Variants in SLC4A4 observed in about 807,000 individuals in gnomAD.
SLC4A4 encodes electrogenic sodium bicarbonate cotransporter 1.
A neutral mutation model predicts 111.5 loss-of-function variants in SLC4A4; 27 were observed. The ratio of observed to expected loss-of-function variants is 0.24; its 90% CI spans 0.18 to 0.33. SLC4A4 has a LOEUF of 0.33. Ranked by LOEUF, SLC4A4 falls within the 10% of genes least tolerant of loss-of-function variation. SLC4A4 has a pLI of 1.00. For synonymous variants in SLC4A4, 443 were observed against 463.4 expected (o/e 0.96, Z 0.57); for missense variants, 909 against 1,315.5 (o/e 0.69, Z 4.78).
intron 3 of SLC4A4, among the ~76,000 whole-genome samples, chr4:71,314,839 C>T (rs1479453103): frequency 1.3e-5 from 2 of 151,976 alleles, no homozygotes; most frequent in Admixed American, 6.6e-5. Context: ...AACCAAATGA[C>T]GGGTTGACAG....
chr4:71,347,568 G>A (rs1729436258), intron 4 of SLC4A4, among the ~76,000 whole-genome samples: 1 of 152,182 alleles, frequency 6.6e-6, no homozygotes, highest in African/African-American at 2.4e-5. Flanking sequence ...ACCTCCCAAA[G>A]GGCCCATCTC....
At chr4:71,139,088 G>A (rs1470246648) in intron 2 of SLC4A4, among the ~76,000 whole-genome samples, 1 of 149,702 alleles carries the variant, frequency 6.7e-6, no homozygotes, top group Non-Finnish European at 1.5e-5. Flanking sequence ...TGCAATAATG[G>A]ATCCTTCTTT....
At chr4:71,331,723 A>G (rs1265933179) in intron 3 of SLC4A4, among the ~76,000 whole-genome samples, 1 of 148,858 alleles carries the variant, frequency 6.7e-6, no homozygotes, top group African/African-American at 2.5e-5. Context: ...TAGGACTTAA[A>G]GTATTGAAAA....
At chr4:71,565,153 C>T (rs1227437129) in intron 24 of SLC4A4, among the ~76,000 whole-genome samples, 1 of 151,846 alleles carries the variant, frequency 6.6e-6, no homozygotes, top group African/African-American at 2.4e-5. Flanking sequence ...TTGGGGTACG[C>T]CCTATGTAAA....
At chr4:71,209,818 G>A (rs544871810) in intron 1 of SLC4A4, among the ~76,000 whole-genome samples, 20 of 152,248 alleles carry the variant, frequency 1.3e-4, no homozygotes, top group African/African-American at 4.3e-4. Context: ...AAATTATGAT[G>A]TATTTTTGGA....
chr4:71,094,919 A>C (rs543259952), intron 2 of SLC4A4, among the ~76,000 whole-genome samples: 157 of 152,326 alleles, frequency 1.0e-3, no homozygotes, highest in African/African-American at 3.6e-3. Flanking sequence ...TTCAATGAAC[A>C]GGCTAAAAGT....
At chr4:71,450,334 T>A in intron 9 of SLC4A4, 55 bp from the exon 10 acceptor site, 3 of 1,237,708 alleles carry the variant, frequency 2.4e-6, no homozygotes, top group Non-Finnish European at 3.6e-6. Flanking sequence ...TGATATGGTG[T>A]GAAGCATGTA....
At chr4:71,423,043 A>C (rs1722716017) in intron 7 of SLC4A4, among the ~76,000 whole-genome samples, 1 of 152,196 alleles carries the variant, frequency 6.6e-6, no homozygotes. Flanking sequence ...AGAGGAAGTC[A>C]AATTGTCCCT....
chr4:71,274,103 A>T (rs1181021283), intron 3 of SLC4A4, among the ~76,000 whole-genome samples: 1 of 152,252 alleles, frequency 6.6e-6, no homozygotes, highest in African/African-American at 2.4e-5. Context: ...ACAGTTAATG[A>T]ACACATTTTA....
intron 1 of SLC4A4, among the ~76,000 whole-genome samples, chr4:71,220,004 A>C (rs1461881223): frequency 6.6e-6 from 1 of 152,230 alleles, no homozygotes; most frequent in Non-Finnish European, 1.5e-5. Flanking sequence ...TTGACATGAC[A>C]ACAAAGGATT....
At chr4:71,420,384 A>G in intron 7 of SLC4A4, among the ~76,000 whole-genome samples, 1 of 152,232 alleles carries the variant, frequency 6.6e-6, no homozygotes, top group Non-Finnish European at 1.5e-5. Flanking sequence ...AGTGATGGGG[A>G]GAATGGAACC....
chr4:71,189,755 T>A (rs1210675580), intron 1 of SLC4A4, among the ~76,000 whole-genome samples: 1 of 152,262 alleles, frequency 6.6e-6, no homozygotes, highest in South Asian at 2.1e-4. Context: ...TGAGAGACTC[T>A]GCTGGACTTA....
At chr4:71,151,716 C>T (rs1007373828) in intron 2 of SLC4A4, among the ~76,000 whole-genome samples, 6 of 146,088 alleles carry the variant, frequency 4.1e-5, no homozygotes, top group Non-Finnish European at 9.0e-5. Context: ...CCCGGGAGTT[C>T]AAGGCTAGCT....
chr4:71,318,761 T>G (rs965378865), intron 3 of SLC4A4, among the ~76,000 whole-genome samples: 3 of 151,988 alleles, frequency 2.0e-5, no homozygotes, highest in Non-Finnish European at 4.4e-5. Flanking sequence ...TAATTTATTT[T>G]TATGTAAACC....
At chr4:71,538,291 T>A (rs1270708246) in intron 18 of SLC4A4, among the ~76,000 whole-genome samples, 2 of 152,136 alleles carry the variant, frequency 1.3e-5, no homozygotes, top group Non-Finnish European at 2.9e-5. Context: ...ATTTTTAATC[T>A]TATTTTCAGT....
intron 4 of SLC4A4, among the ~76,000 whole-genome samples, chr4:71,340,156 C>T (rs898311077): frequency 2.6e-5 from 4 of 151,988 alleles, no homozygotes; most frequent in Non-Finnish European, 4.4e-5. Context: ...CCTGTGAGGT[C>T]GAGGCTGCAG....
At chr4:71,501,328 A>G (rs552918202) in intron 16 of SLC4A4, among the ~76,000 whole-genome samples, 41 of 151,740 alleles carry the variant, frequency 2.7e-4, no homozygotes, top group Non-Finnish European at 3.5e-4. Flanking sequence ...TTTTTTTATT[A>G]CTTCTAAAAT....
intron 6 of SLC4A4, among the ~76,000 whole-genome samples, chr4:71,393,709 C>T (rs1719527599): frequency 6.6e-6 from 1 of 151,980 alleles, no homozygotes; most frequent in African/African-American, 2.4e-5. Context: ...ATAGCCAAAG[C>T]AAGGCTAAGT....
chr4:71,532,573 TC>T, intron 17 of SLC4A4, among the ~76,000 whole-genome samples: 1 of 152,116 alleles, frequency 6.6e-6, no homozygotes, highest in Non-Finnish European at 1.5e-5. Context: ...TGGTGCAATC[TC>T]AGCTCACTGC....
Sources: allele counts gnomAD v4.1 joint callset (sites outside exome capture counted in the v4.1 genomes callset), GRCh38; gene constraint gnomAD v4.1.1; transcripts MANE v1.5; gene names NCBI Gene and HGNC (gene_info 2026-07-23, HGNC 2026-07-21).